The following SLC2A9 variants were observed in gnomAD, a reference collection of about 807,000 sequenced individuals.
SLC2A9 encodes the protein solute carrier family 2 member 9, also known as solute carrier family 2, facilitated glucose transporter member 9.
SLC2A9 carries 39 observed loss-of-function variants against 50.6 expected under a neutral mutation model. That is an observed-to-expected ratio of 0.77 (90% CI 0.60 to 1.01). The LOEUF (loss-of-function observed/expected upper bound fraction) is 1.01, where lower values mean the gene tolerates loss of function less well. Ranked by LOEUF, SLC2A9 falls within the 50% of genes least tolerant of loss-of-function variation. The pLI is 0.00. For synonymous variants in SLC2A9, 324 were observed against 276.9 expected, an observed-to-expected ratio of 1.17 and a Z score of -1.69; for missense variants, 686 against 677.6, an observed-to-expected ratio of 1.01 and a Z score of -0.14.
chr4:9,818,268 C>A (rs1363538711), intron 3 of SLC2A9, among the ~76,000 whole-genome samples: 2 of 152,132 alleles, frequency 1.3e-5, no homozygotes, highest in Admixed American at 6.5e-5. Flanking sequence ...GGAACTTCTG[C>A]CCTTTTTACT....
At chr4:9,851,261 G>A (rs551435677) in intron 10 of SLC2A9, among the ~76,000 whole-genome samples, 2 of 152,270 alleles carry the variant, frequency 1.3e-5, no homozygotes, top group East Asian at 3.9e-4. Context: ...AAATCTAGGG[G>A]CCCAATGTCA....
chr4:9,775,219 T>A (rs1207426075), downstream of SLC2A9, among the ~76,000 whole-genome samples: 1 of 152,114 alleles, frequency 6.6e-6, no homozygotes, highest in Non-Finnish European at 1.5e-5. Flanking sequence ...CCATGTGACC[T>A]CTCCACATGA....
chr4:9,985,620 C>A (rs776589959), intron 4 of SLC2A9, 49 bp downstream of exon 4: 1 of 1,611,996 alleles, frequency 6.2e-7, no homozygotes, highest in Non-Finnish European at 8.5e-7. Flanking sequence ...TTTTGGGACA[C>A]CCCCAAGGAG....
chr4:9,772,085 T>C (rs1433663568), intron 1 of SLC2A9, among the ~76,000 whole-genome samples: 2 of 151,958 alleles, frequency 1.3e-5, no homozygotes, highest in Non-Finnish European at 2.9e-5. Context: ...TCATAGGGAG[T>C]ATGAAGAACA....
At chr4:9,887,265 A>T (rs1736439929) in intron 10 of SLC2A9, among the ~76,000 whole-genome samples, 1 of 152,208 alleles carries the variant, frequency 6.6e-6, no homozygotes, top group Non-Finnish European at 1.5e-5. Flanking sequence ...GTTGTCTTTG[A>T]TTCAACACAA....
chr4:9,830,213 G>C (rs1371264377), intron 11 of SLC2A9, among the ~76,000 whole-genome samples: 3 of 152,224 alleles, frequency 2.0e-5, no homozygotes, highest in African/African-American at 7.2e-5. Context: ...GTCCTTTGCA[G>C]TGACATGGAT....
At chr4:9,999,376 T>C (rs1284651918) in intron 2 of SLC2A9, among the ~76,000 whole-genome samples, 2 of 151,614 alleles carry the variant, frequency 1.3e-5, no homozygotes, top group East Asian at 3.9e-4. Context: ...TTATACTCAG[T>C]CTTTAAAGTG....
chr4:9,814,853 C>A (rs987659003), intron 3 of SLC2A9, among the ~76,000 whole-genome samples: 1 of 151,914 alleles, frequency 6.6e-6, no homozygotes, highest in Non-Finnish European at 1.5e-5. Context: ...GAGGATTACA[C>A]GTAGGCATGT....
chr4:10,010,339 C>A (rs1761552949), intron 2 of SLC2A9, among the ~76,000 whole-genome samples: 2 of 152,214 alleles, frequency 1.3e-5, no homozygotes, highest in African/African-American at 4.8e-5. Flanking sequence ...TGATTCGTAT[C>A]CTTTTTGCTA....
At chr4:9,907,062 C>G (rs966493019) in intron 8 of SLC2A9, among the ~76,000 whole-genome samples, 3 of 152,240 alleles carry the variant, frequency 2.0e-5, no homozygotes, top group Admixed American at 6.5e-5. Flanking sequence ...AAGCCTCTGC[C>G]TGTTTGCATG....
chr4:9,892,741 G>A (rs1223407313), intron 8 of SLC2A9, among the ~76,000 whole-genome samples: 1 of 152,218 alleles, frequency 6.6e-6, no homozygotes, highest in African/African-American at 2.4e-5. Flanking sequence ...TTTTAACTAA[G>A]GAGTGCCCTG....
At chr4:10,020,035 T>G (rs948270102) in intron 1 of SLC2A9, among the ~76,000 whole-genome samples, 1 of 111,420 alleles carries the variant, frequency 9.0e-6, no homozygotes, top group Non-Finnish European at 1.8e-5. Flanking sequence ...TTGACATATT[T>G]GTGAGTGTGT....
intron 6 of SLC2A9, among the ~76,000 whole-genome samples, chr4:9,933,236 G>C (rs1193497885): frequency 6.6e-6 from 1 of 152,230 alleles, no homozygotes; most frequent in Non-Finnish European, 1.5e-5. Context: ...TCGGCAAAGA[G>C]GAGCTTCTTT....
chr4:10,018,968 C>A lies in SLC2A9; in HGVS notation c.249+7G>T. 1 of 1,549,398 alleles carries A rather than the reference C, an allele frequency of 6.5e-7. No individual in the cohort carries two copies. Among genetic ancestry groups the A allele is most frequent in the Non-Finnish European group, 8.7e-7 (1 of 1,146,752 alleles). Reference sequence around the variant, plus strand: ...GCGCCCTCTGCCGGGCCTTGGCGCGCACTCACCGGGGTGGGGGCATTCACC... The same window carrying A: ...GCGCCCTCTGCCGGGCCTTGGCGCGAACTCACCGGGGTGGGGGCATTCACC... On this transcript the variant is annotated splice_region_variant and intron_variant, in intron 2 of 11. Coordinates refer to ENST00000264784, the MANE Select transcript of SLC2A9 (RefSeq NM_020041.3).
chr4:9,847,707 C>T (rs895112577), intron 10 of SLC2A9, among the ~76,000 whole-genome samples: 5 of 152,196 alleles, frequency 3.3e-5, no homozygotes, highest in African/African-American at 4.8e-5. Context: ...ACAAGATTAA[C>T]GTTCTCCTTC....
At position 9,939,236 on chromosome 4, in the gene SLC2A9, G is replaced by C. The variant is rs539321174; in HGVS notation, c.814+2677C>G. 3.3e-5 allele frequency among the ~76,000 whole-genome samples: 5 copies of C among 152,264 alleles called. No homozygotes were observed. The East Asian group carries it at 9.7e-4, about 29-fold the overall frequency. On this transcript the variant is annotated intron_variant, in intron 6 of 11. Transcript: ENST00000264784. Reference sequence around the variant, plus strand: ...TCAGCCAGGTGACCAACAGACATGCGAGTGAACTTCAGCTGGCCCCAAGAA... The same window carrying C: ...TCAGCCAGGTGACCAACAGACATGCCAGTGAACTTCAGCTGGCCCCAAGAA...
At chr4:9,892,664 C>T (rs1341424640) in intron 8 of SLC2A9, among the ~76,000 whole-genome samples, 1 of 152,148 alleles carries the variant, frequency 6.6e-6, no homozygotes, top group Non-Finnish European at 1.5e-5. Context: ...CGAAAGAACT[C>T]ACAATGCCTG....
At chr4:9,999,166 G>A (rs191234181) in intron 2 of SLC2A9, among the ~76,000 whole-genome samples, 11 of 151,224 alleles carry the variant, frequency 7.3e-5, no homozygotes, top group Non-Finnish European at 7.4e-5. Context: ...TGGTACTTCA[G>A]CCTCCCGAGT....
At chr4:9,826,624 C>A (rs746940204) in intron 11 of SLC2A9, 24 bp from the exon 12 acceptor site, 23 of 1,605,482 alleles carry the variant, frequency 1.4e-5, no homozygotes, top group East Asian at 2.2e-5. Context: ...GAGACAAAAA[C>A]CCTCAAATAG....
Sources: gnomAD v4.1 joint callset for allele counts (sites outside exome capture counted in the v4.1 genomes callset) on GRCh38, gnomAD v4.1.1 for gene constraint, MANE v1.5 for transcripts, NCBI Gene and HGNC (gene_info 2026-07-23, HGNC 2026-07-21) for gene names.